THUMPD3: variants seen among roughly 807,000 people sequenced by gnomAD.
THUMPD3 encodes tRNA (guanine(6)-N(2))-methyltransferase THUMP3.
Under a neutral mutation model 54.5 loss-of-function variants are expected in THUMPD3, and 44 were observed. That is an observed-to-expected ratio of 0.81 (90% CI 0.63 to 1.04). The LOEUF is 1.04. Ranked by LOEUF, THUMPD3 falls within the 50% of genes least tolerant of loss-of-function variation. THUMPD3 has a pLI of 0.00. For synonymous variants in THUMPD3, 196 were observed against 201.4 expected, an observed-to-expected ratio of 0.97 and a Z score of 0.23; for missense variants, 604 against 601.3, an observed-to-expected ratio of 1.00 and a Z score of -0.05.
intron 8 of THUMPD3, 59 bp from the exon 9 acceptor site, chr3:9,384,153 A>G (rs962055090): frequency 5.1e-6 from 8 of 1,580,234 alleles, no homozygotes; most frequent in East Asian, 2.2e-5. Flanking sequence ...TTTGTTTCAT[A>G]TAGTCCTTCT....
rs1289736031 is a variant in THUMPD3, at chr3:9,374,656, T to C, written c.938+10T>C. On this transcript the variant is annotated intron_variant, in intron 5 of 9. Coordinates refer to ENST00000452837, the MANE Select transcript of THUMPD3 (RefSeq NM_001114092.2). Reference sequence around the variant, plus strand: ...CCTATGGGATGCTCAGGTAAGAAAATGAGTTTGCCATCCAGCTTAAAGTGG... The same window carrying C: ...CCTATGGGATGCTCAGGTAAGAAAACGAGTTTGCCATCCAGCTTAAAGTGG... 10 of 1,612,644 alleles carry C rather than the reference T, an allele frequency of 6.2e-6. No individual in the cohort carries two copies. Among genetic ancestry groups the C allele is most frequent in the Non-Finnish European group, 8.5e-6 (10 of 1,179,514 alleles).
At chr3:9,381,635 C>CCTAGTATATG (rs1473037470) in intron 7 of THUMPD3, among the ~76,000 whole-genome samples, 2 of 138,728 alleles carry the variant, frequency 1.4e-5, no homozygotes, top group East Asian at 4.3e-4. Flanking sequence ...TTTTAATGAG[C>CCTAGTATATG]CTAGTATATG....
At chr3:9,364,801 T>C (rs1425954665) in intron 1 of THUMPD3, among the ~76,000 whole-genome samples, 3 of 152,264 alleles carry the variant, frequency 2.0e-5, no homozygotes, top group African/African-American at 7.2e-5. Context: ...ACTTCTTGTC[T>C]CTTTTTCTCC....
At chr3:9,378,907 G>C (rs963184644) in intron 6 of THUMPD3, among the ~76,000 whole-genome samples, 1 of 152,068 alleles carries the variant, frequency 6.6e-6, no homozygotes, top group Non-Finnish European at 1.5e-5. Flanking sequence ...TGAAATAGCA[G>C]GTAAGGTCAC....
chr3:9,371,004 A>AT, intron 3 of THUMPD3, 56 bp from the exon 4 acceptor site: 1 of 1,391,262 alleles, frequency 7.2e-7, no homozygotes, highest in Non-Finnish European at 9.7e-7. Context: ...GTAGAGGTTT[A>AT]TTTGTTTGAT....
intron 2 of THUMPD3, among the ~76,000 whole-genome samples, chr3:9,366,346 C>T (rs889968507): frequency 6.6e-6 from 1 of 152,090 alleles, no homozygotes; most frequent in Non-Finnish European, 1.5e-5. Context: ...ATATATCCCA[C>T]GCTCTTAGTG....
chr3:9,384,140 GT>G (rs1391747093), intron 8 of THUMPD3, 71 bp from the exon 9 acceptor site: 9 of 1,529,342 alleles, frequency 5.9e-6, no homozygotes, highest in Non-Finnish European at 8.0e-6. Context: ...GCATGAAACT[GT>G]TTTTGTTTCA....
At chr3:9,365,371 G>T in intron 2 of THUMPD3, 51 bp downstream of exon 2, 1 of 1,592,422 alleles carries the variant, frequency 6.3e-7, no homozygotes, top group Non-Finnish European at 8.6e-7. Context: ...TCATTTTATG[G>T]TTACTTTTCA....
intron 7 of THUMPD3, among the ~76,000 whole-genome samples, chr3:9,381,620 GT>G (rs970710787): frequency 1.4e-5 from 2 of 140,576 alleles, no homozygotes; most frequent in African/African-American, 2.6e-5. Flanking sequence ...TTTATTGAGG[GT>G]TTTTTTTAAT....
rs1315765702 is a variant in THUMPD3, at chr3:9,383,204, C to T, written c.1130C>T (p.Pro377Leu). The change falls in exon 8 of 10, where the codon CCC (proline) becomes CTC (leucine). Residue 377 changes from proline to leucine, a missense_variant. Coordinates refer to ENST00000452837, the MANE Select transcript of THUMPD3 (RefSeq NM_001114092.2). ...LTKSQIKEGK[P>L]SWGLPIDAVQ... The stretch of plus-strand genomic sequence containing the variant: ...CCTTTCCTTTGTCCCCACAGCAAAC[C>T]CTCCTGGGGCTTGCCCATAGATGCT... The T allele has an allele frequency of 1.2e-6, 2 of 1,612,984 alleles. No homozygotes were observed. Among genetic ancestry groups the T allele is most frequent in the African/African-American group, 1.3e-5 (1 of 75,024 alleles).
At chr3:9,377,459 C>T (rs375864279) in intron 5 of THUMPD3, among the ~76,000 whole-genome samples, 14 of 152,172 alleles carry the variant, frequency 9.2e-5, no homozygotes, top group African/African-American at 2.9e-4. Context: ...CTGCAATCCC[C>T]GCCTTCTGGG....
chr3:9,364,745 T>C (rs534299842), intron 1 of THUMPD3, among the ~76,000 whole-genome samples: 2 of 152,400 alleles, frequency 1.3e-5, no homozygotes, highest in East Asian at 1.9e-4. Context: ...AAATGGCTTT[T>C]GTCAACATGG....
chr3:9,384,761 A>G lies in THUMPD3; in HGVS notation c.*73A>G. The G allele has an allele frequency of 6.4e-7, 1 of 1,574,352 alleles. No homozygotes were observed. Among genetic ancestry groups the G allele is most frequent in the African/African-American group, 1.3e-5 (1 of 74,080 alleles). On this transcript the variant is annotated 3_prime_UTR_variant, in exon 10 of 10. Coordinates refer to ENST00000452837, the MANE Select transcript of THUMPD3 (RefSeq NM_001114092.2). ...AAAAGAACTTGGAGAGGAAAAAAGTATTAACAAAACTGCAGTCTGCACTCT... is the reference window on the plus strand; with the variant it reads ...AAAAGAACTTGGAGAGGAAAAAAGTGTTAACAAAACTGCAGTCTGCACTCT...
rs985928770 is a variant in THUMPD3 at position 9,371,886 on chromosome 3, T to C, written c.807+350T>C. ...CAAGGTTGAGTTGTCTGTTTTCTTT[T>C]TCTTTTTCGAGACAGAGTCTTGCTC... On this transcript the variant is annotated intron_variant, in intron 4 of 9. Transcript: ENST00000452837. 5.3e-5 allele frequency among the ~76,000 whole-genome samples: 8 copies of C among 152,228 alleles called. No homozygotes were observed. The South Asian group carries it at 1.0e-3, about 20-fold the overall frequency.
chr3:9,365,330 G>A lies in THUMPD3; in HGVS notation c.252+10G>A. 1.2e-6 allele frequency: 2 copies of A among 1,613,224 alleles called. No individual in the cohort carries two copies. Among genetic ancestry groups the A allele is most frequent in the Non-Finnish European group, 1.7e-6 (2 of 1,179,426 alleles). The stretch of plus-strand genomic sequence containing the variant: ...GGAAAGTCTGGCACAGGTTTGAATG[G>A]AGCAATATTTAAAATAGTTTTCTAA... On this transcript the variant is annotated intron_variant, in intron 2 of 9. Coordinates refer to ENST00000452837, the MANE Select transcript of THUMPD3 (RefSeq NM_001114092.2).
At chr3:9,384,057 CAA>C (rs929522300) in intron 8 of THUMPD3, among the ~76,000 whole-genome samples, 153 bp from the exon 9 acceptor site, 1 of 152,174 alleles carries the variant, frequency 6.6e-6, no homozygotes, top group African/African-American at 2.4e-5. Flanking sequence ...TTTACTAACT[CAA>C]CTTATTTCAT....
chr3:9,376,994 AT>A (rs560565062), intron 5 of THUMPD3, among the ~76,000 whole-genome samples: 7 of 151,232 alleles, frequency 4.6e-5, no homozygotes, highest in Admixed American at 2.0e-4. Context: ...AAAGTAAAGC[AT>A]TTTTTTTTCC....
intron 6 of THUMPD3, among the ~76,000 whole-genome samples, chr3:9,379,477 G>C (rs942678442): frequency 1.3e-5 from 2 of 152,164 alleles, no homozygotes; most frequent in African/African-American, 2.4e-5. Context: ...TCACCCCTAA[G>C]CAGAGGCAGA....
In THUMPD3 at chr3:9,384,525, C is replaced by T. The variant is rs111324475; in HGVS notation, c.1361C>T (p.Ala454Val). Residue 454 changes from alanine (A) to valine (V), a missense_variant and splice_region_variant, in exon 10 of 10, where the codon GCG becomes GTG. Coordinates refer to ENST00000452837, the MANE Select transcript of THUMPD3 (RefSeq NM_001114092.2). ...LTQDTKCFTK[A>V]LSGMRHVWRK... ...GTTATTTTTTTTGTGTGTACACAGG[C>T]GTTATCTGGAATGCGACACGTATGG... 1,797 of 1,613,978 alleles carry T rather than the reference C, an allele frequency of 1.1e-3. 1 individual carries two copies. The highest frequency in any genetic ancestry group is 1.4e-3 in the Non-Finnish European group (1,597 of 1,180,008).
Sources: allele counts gnomAD v4.1 joint callset (sites outside exome capture counted in the v4.1 genomes callset), GRCh38; gene constraint gnomAD v4.1.1; transcripts MANE v1.5; gene names NCBI Gene and HGNC (gene_info 2026-07-23, HGNC 2026-07-21).